CDKL4: variants seen among roughly 807,000 people sequenced by gnomAD.
CDKL4 encodes cyclin-dependent kinase-like 4.
Under a neutral mutation model 42.0 loss-of-function variants are expected in CDKL4, and 44 were observed. That is an observed-to-expected ratio of 1.05 (90% CI 0.82 to 1.35). The LOEUF (loss-of-function observed/expected upper bound fraction) is 1.35. CDKL4 is among the 40% of genes most tolerant of loss of function. The pLI is 0.00. For missense variants in CDKL4, 393 were observed against 369.9 expected (o/e 1.06, Z -0.51); for synonymous variants, 120 against 121.6 (o/e 0.99, Z 0.09).
chr2:39,209,672 C>T (rs1404686856), intron 4 of CDKL4, among the ~76,000 whole-genome samples: 1 of 152,106 alleles, frequency 6.6e-6, no homozygotes, highest in Non-Finnish European at 1.5e-5. Flanking sequence ...GTACTTTAAC[C>T]TGCAGTGTCC....
chr2:39,207,928 CCT>C (rs1442795436), intron 4 of CDKL4, among the ~76,000 whole-genome samples: 3 of 151,974 alleles, frequency 2.0e-5, no homozygotes, highest in East Asian at 1.9e-4. Context: ...ATGGTGAAAC[CCT>C]GTCTCTACTA....
At chr2:39,195,641 A>ATTTTT (rs770948985) in intron 5 of CDKL4, among the ~76,000 whole-genome samples, 12 of 131,442 alleles carry the variant, frequency 9.1e-5, no homozygotes, top group African/African-American at 2.8e-4. Context: ...TTTTTAATTA[A>ATTTTT]TTTTTTTTTT....
At chr2:39,225,028 C>T (rs1258920283) in intron 3 of CDKL4, among the ~76,000 whole-genome samples, 1 of 152,130 alleles carries the variant, frequency 6.6e-6, no homozygotes, top group African/African-American at 2.4e-5. Flanking sequence ...GTTCTCAGAA[C>T]AACGTTGCAT....
intron 1 of CDKL4, among the ~76,000 whole-genome samples, chr2:39,239,891 A>C (rs1186982160): frequency 6.6e-6 from 1 of 151,818 alleles, no homozygotes; most frequent in Non-Finnish European, 1.5e-5. Flanking sequence ...GGAGTTCAAG[A>C]CCAGCCTGGC....
intron 3 of CDKL4, among the ~76,000 whole-genome samples, chr2:39,215,457 T>C (rs1558571559): frequency 6.6e-6 from 1 of 152,204 alleles, no homozygotes; most frequent in African/African-American, 2.4e-5. Flanking sequence ...CGGCTGTTGT[T>C]TGTATATTTT....
chr2:39,238,767 T>C (rs553397902), intron 1 of CDKL4, among the ~76,000 whole-genome samples: 1 of 152,266 alleles, frequency 6.6e-6, no homozygotes, highest in East Asian at 1.9e-4. Flanking sequence ...TATTTTATTG[T>C]TTAAGATAGA....
At chr2:39,207,692 A>C (rs1212882959) in intron 4 of CDKL4, among the ~76,000 whole-genome samples, 1 of 152,248 alleles carries the variant, frequency 6.6e-6, no homozygotes, top group African/African-American at 2.4e-5. Context: ...ATACAAAAGG[A>C]AATGAAGTAT....
At chr2:39,218,243 G>C (rs990573295) in intron 3 of CDKL4, among the ~76,000 whole-genome samples, 1 of 151,600 alleles carries the variant, frequency 6.6e-6, no homozygotes, top group Non-Finnish European at 1.5e-5. Context: ...GCTCATGCCT[G>C]TAATCCCAGC....
chr2:39,195,130 C>T (rs1218971390), intron 5 of CDKL4, among the ~76,000 whole-genome samples: 1 of 152,178 alleles, frequency 6.6e-6, no homozygotes. Flanking sequence ...CATGTCATAG[C>T]ATATATCAGA....
intron 3 of CDKL4, among the ~76,000 whole-genome samples, chr2:39,216,058 G>A (rs1257524365): frequency 1.3e-5 from 2 of 152,296 alleles, no homozygotes; most frequent in East Asian, 3.9e-4. Context: ...GAGACAGGTT[G>A]CTTGAGTTCA....
intron 4 of CDKL4, among the ~76,000 whole-genome samples, chr2:39,206,838 T>C (rs1677229476): frequency 6.6e-6 from 1 of 152,238 alleles, no homozygotes. Context: ...TCTACTATGC[T>C]GTCAGGCCCT....
intron 3 of CDKL4, among the ~76,000 whole-genome samples, chr2:39,221,591 T>C (rs994375349): frequency 6.6e-6 from 1 of 152,244 alleles, no homozygotes; most frequent in East Asian, 1.9e-4. Flanking sequence ...CCTATTTGCA[T>C]TACTCCATGC....
At chr2:39,241,360 C>G (rs747735679) in intron 1 of CDKL4, among the ~76,000 whole-genome samples, 1 of 152,090 alleles carries the variant, frequency 6.6e-6, no homozygotes, top group South Asian at 2.1e-4. Context: ...ACTCTTATTG[C>G]CAGCTTGAAA....
At chr2:39,190,487 T>C (rs1676120060) in exon 6 of CDKL4, 1 of 1,614,070 alleles carries the variant, frequency 6.2e-7, no homozygotes. Flanking sequence ...ATAATCGGTG[T>C]AGGCATCTCC....
chr2:39,212,394 C>T (rs1002560269), intron 4 of CDKL4, among the ~76,000 whole-genome samples: 7 of 151,802 alleles, frequency 4.6e-5, no homozygotes, highest in Admixed American at 2.0e-4. Flanking sequence ...CCACCATGCC[C>T]GGCCAATTTT....
intron 5 of CDKL4, among the ~76,000 whole-genome samples, chr2:39,193,571 C>G (rs1676327492): frequency 6.6e-6 from 1 of 152,028 alleles, no homozygotes; most frequent in Admixed American, 6.6e-5. Context: ...GACGGGGTTT[C>G]TCCATGTGGG....
chr2:39,190,301 A>C lies in CDKL4; in HGVS notation c.652+4T>G, dbSNP rs747882527. ...ACTCTGTTGCCATAAAATGCAATTC[A>C]TACCTAGTGTTCTGATTATCAGATA... On this transcript the variant is annotated splice_donor_region_variant and intron_variant, in intron 6 of 9. Coordinates refer to ENST00000451199, the Ensembl canonical transcript of CDKL4. 3.8e-5 allele frequency: 62 copies of C among 1,612,340 alleles called. No homozygotes were observed. The East Asian group carries it at 1.3e-3, about 35-fold the overall frequency.
At chr2:39,235,658 G>A (rs1276851914) in intron 1 of CDKL4, among the ~76,000 whole-genome samples, 1 of 152,102 alleles carries the variant, frequency 6.6e-6, no homozygotes. Context: ...GAGGCAGAAG[G>A]ATGGTTTGAG....
At chr2:39,217,192 A>G (rs1163047298) in intron 3 of CDKL4, among the ~76,000 whole-genome samples, 1 of 152,218 alleles carries the variant, frequency 6.6e-6, no homozygotes, top group Non-Finnish European at 1.5e-5. Flanking sequence ...AAAGATGCTC[A>G]GTGTTTAAAT....
Sources: gnomAD v4.1 joint callset for allele counts (sites outside exome capture counted in the v4.1 genomes callset) on GRCh38, gnomAD v4.1.1 for gene constraint, MANE v1.5 for transcripts, NCBI Gene and HGNC (gene_info 2026-07-23, HGNC 2026-07-21) for gene names.